DOCK9: variants seen among roughly 807,000 people sequenced by gnomAD.
DOCK9 encodes the protein dedicator of cytokinesis protein 9.
In DOCK9, 89 loss-of-function variants were observed where a neutral mutation model predicts 263.3. The observed-to-expected ratio is 0.34, with a 90% confidence interval of 0.28 to 0.40. The LOEUF (loss-of-function observed/expected upper bound fraction) is 0.40. Among genes scored for constraint, DOCK9 ranks in the 10% least tolerant of loss-of-function variants. The pLI is 1.00. For synonymous variants in DOCK9, 976 were observed against 973.1 expected, an observed-to-expected ratio of 1.00 and a Z score of -0.06; for missense variants, 2,140 against 2,603.4, an observed-to-expected ratio of 0.82 and a Z score of 3.87.
chr13:98,871,389 C>A (rs181237728), intron 27 of DOCK9, among the ~76,000 whole-genome samples: 1 of 152,224 alleles, frequency 6.6e-6, no homozygotes, highest in East Asian at 1.9e-4. Flanking sequence ...ACATACCAAC[C>A]CATCATTAGT....
upstream of DOCK9, chr13:99,087,765 C>G (rs2042382255): frequency 6.6e-6 from 1 of 152,370 alleles, no homozygotes. Flanking sequence ...GGGAGCCTGA[C>G]TGAACGGCGG....
At chr13:99,018,538 AT>A (rs5806090) in intron 1 of DOCK9, among the ~76,000 whole-genome samples, 66,028 of 152,144 alleles carry the variant, frequency 0.43, 14,842 homozygotes, top group East Asian at 0.65. Context: ...CTTGTGCCAA[AT>A]TTTAAGTATT....
chr13:99,062,730 C>A (rs1033285463), intron 1 of DOCK9, among the ~76,000 whole-genome samples: 3 of 152,164 alleles, frequency 2.0e-5, no homozygotes, highest in Non-Finnish European at 2.9e-5. Flanking sequence ...GTTACTCCTG[C>A]GAGGGAAAAC....
chr13:98,989,346 G>GATGATGATGATA lies in DOCK9; in HGVS notation c.130-33796_130-33795insTATCATCATCAT, dbSNP rs1357152750. Among the ~76,000 whole-genome samples the GATGATGATGATA allele has an allele frequency of 4.3e-4, 26 of 60,058 alleles. No individual in the cohort carries two copies. The East Asian group carries it at 8.5e-3, about 20-fold the overall frequency. The allele number at this position is 60,058 out of a possible 152,430, so 39.4% of individuals were successfully genotyped here. A position where few individuals can be genotyped will look rare whatever the true frequency, so the allele number is the denominator to read the frequency against. On this transcript the variant is annotated intron_variant, in intron 1 of 32. Transcript: ENST00000427887. ...TGATGATGATGATGATGATGATGAT[G>GATGATGATGATA]ATAATAATAATAATAATAATAATAA...
chr13:98,939,758 T>C (rs2055507583), intron 2 of DOCK9, among the ~76,000 whole-genome samples: 1 of 152,226 alleles, frequency 6.6e-6, no homozygotes, highest in Admixed American at 6.5e-5. Flanking sequence ...TGTTCTCAGC[T>C]GGGCCAAATG....
intron 2 of DOCK9, among the ~76,000 whole-genome samples, chr13:98,938,056 T>A (rs1246681176): frequency 6.6e-6 from 1 of 152,216 alleles, no homozygotes; most frequent in East Asian, 1.9e-4. Context: ...CTGCTCTCTC[T>A]GCAGCTTAAA....
At chr13:98,913,497 A>AT (rs1176728816) in intron 9 of DOCK9, among the ~76,000 whole-genome samples, 1 of 152,200 alleles carries the variant, frequency 6.6e-6, no homozygotes, top group East Asian at 1.9e-4. Flanking sequence ...AAATTTAAAA[A>AT]TTTTTTAAAG....
At chr13:99,055,033 C>T (rs779724906) in intron 1 of DOCK9, among the ~76,000 whole-genome samples, 1 of 152,174 alleles carries the variant, frequency 6.6e-6, no homozygotes, top group African/African-American at 2.4e-5. Context: ...ATTGCCTCAT[C>T]CACTTTTTTT....
intron 1 of DOCK9, among the ~76,000 whole-genome samples, chr13:99,014,531 A>T (rs1885071961): frequency 6.6e-6 from 1 of 152,132 alleles, no homozygotes; most frequent in Admixed American, 6.5e-5. Flanking sequence ...ACCCAATCTG[A>T]TCACAAGGGC....
chr13:98,863,988 T>C (rs748325688), intron 30 of DOCK9, among the ~76,000 whole-genome samples: 25 of 152,236 alleles, frequency 1.6e-4, no homozygotes, highest in Non-Finnish European at 2.6e-4. Flanking sequence ...TAAACATACA[T>C]GGCTCATTAA....
intron 47 of DOCK9, among the ~76,000 whole-genome samples, chr13:98,808,027 T>C (rs1262802904): frequency 6.6e-6 from 1 of 152,132 alleles, no homozygotes; most frequent in Non-Finnish European, 1.5e-5. Flanking sequence ...AATGCAGTCA[T>C]TAAGTGTTGA....
At chr13:98,935,308 A>G (rs529423543) in intron 2 of DOCK9, among the ~76,000 whole-genome samples, 5 of 152,370 alleles carry the variant, frequency 3.3e-5, no homozygotes, top group African/African-American at 1.2e-4. Flanking sequence ...ATATCCATTA[A>G]GTCCTAGAAC....
chr13:99,034,949 T>TC (rs1887710634), intron 1 of DOCK9, among the ~76,000 whole-genome samples: 1 of 152,136 alleles, frequency 6.6e-6, no homozygotes, highest in Non-Finnish European at 1.5e-5. Flanking sequence ...CGGATTATCT[T>TC]CCCATTACCC....
At chr13:99,077,227 T>C (rs756677279) in intron 1 of DOCK9, among the ~76,000 whole-genome samples, 13 of 152,212 alleles carry the variant, frequency 8.5e-5, no homozygotes, top group Non-Finnish European at 1.3e-4. Context: ...AGAAGGATCC[T>C]ATCCCCTATG....
chr13:99,008,232 A>T (rs1002858155), intron 1 of DOCK9, among the ~76,000 whole-genome samples: 1,322 of 103,322 alleles, frequency 0.013, 23 homozygotes, highest in South Asian at 0.056. Context: ...ATATATATAT[A>T]TATTTTTTTT....
intron 47 of DOCK9, chr13:98,809,071 C>A: frequency 6.5e-7 from 1 of 1,529,786 alleles, no homozygotes; most frequent in Admixed American, 2.2e-5. Context: ...TTGCAAACCA[C>A]ACTGAAGTAC....
chr13:99,081,504 G>A (rs1275868923), intron 1 of DOCK9, among the ~76,000 whole-genome samples: 1 of 152,230 alleles, frequency 6.6e-6, no homozygotes, highest in Admixed American at 6.5e-5. Flanking sequence ...AGTGAGATAA[G>A]ATCAGTAAGG....
chr13:99,087,498 C>T (rs1454490793), upstream of DOCK9, among the ~76,000 whole-genome samples: 3 of 152,138 alleles, frequency 2.0e-5, no homozygotes, highest in Non-Finnish European at 2.9e-5. Context: ...TGCGATGCGC[C>T]GGCTTGCGAG....
At chr13:98,980,077 T>C (rs1211782620), upstream of DOCK9, among the ~76,000 whole-genome samples, 3 of 152,218 alleles carry the variant, frequency 2.0e-5, no homozygotes, top group African/African-American at 4.8e-5. Flanking sequence ...CCAGGCTGAG[T>C]GCAGGGGCTC....
Sources: allele counts gnomAD v4.1 joint callset (sites outside exome capture counted in the v4.1 genomes callset), GRCh38; gene constraint gnomAD v4.1.1; transcripts MANE v1.5; gene names NCBI Gene and HGNC (gene_info 2026-07-23, HGNC 2026-07-21).